MEIOC: variants seen among roughly 807,000 people sequenced by gnomAD.
The protein encoded by MEIOC is meiosis specific with coiled-coil domain.
MEIOC carries 9 observed loss-of-function variants against 85.3 expected under a neutral mutation model. The ratio of observed to expected loss-of-function variants is 0.11; its 90% CI spans 0.06 to 0.18. The LOEUF (loss-of-function observed/expected upper bound fraction) is 0.18, where lower values mean the gene tolerates loss of function less well. Among genes scored for constraint, MEIOC ranks in the 10% least tolerant of loss-of-function variants. The pLI, the probability that MEIOC is intolerant of heterozygous loss-of-function variation, is 1.00. For missense variants in MEIOC, 898 were observed against 1,129.4 expected, an observed-to-expected ratio of 0.80 and a Z score of 2.94; for synonymous variants, 365 against 393.7, an observed-to-expected ratio of 0.93 and a Z score of 0.86.
In MEIOC at chr17:44,668,100, C is replaced by T; in HGVS notation, c.2189C>T (p.Ser730Phe). 6.2e-7 allele frequency: 1 copy of T among 1,613,714 alleles called. No individual in the cohort carries two copies. The highest frequency in any genetic ancestry group is 8.5e-7 in the Non-Finnish European group (1 of 1,179,732). Residue 730 changes from serine (S) to phenylalanine (F), a missense_variant, in exon 5 of 8, where the codon TCT becomes TTT. Physicochemically the swap from Ser to Phe is radical, Grantham distance 155. This residue lies in a region of MEIOC where 734 missense variants were observed against 860.1 expected (regional missense o/e 0.85). Transcript: ENST00000409122. ...PYFNMMYGDN[S>F]FSGLMPTFGF... ...TTTAATATGATGTATGGTGATAATT[C>T]TTTTTCTGGTCTCATGCCAACTTTT...
chr17:44,673,936 G>C, intron 7 of MEIOC, 40 bp from the exon 8 acceptor site: 1 of 1,532,234 alleles, frequency 6.5e-7, no homozygotes, highest in Non-Finnish European at 8.8e-7. Context: ...ATATTTAAAT[G>C]GCATTTAATA....
intron 6 of MEIOC, chr17:44,670,585 G>T (rs1234027010): frequency 7.1e-5 from 7 of 98,736 alleles, no homozygotes; most frequent in African/African-American, 8.8e-5. Context: ...TGTCACCCAG[G>T]CTAGAGTGCA....
chr17:44,657,484 G>A (rs1414817228), intron 2 of MEIOC, among the ~76,000 whole-genome samples: 2 of 150,010 alleles, frequency 1.3e-5, no homozygotes, highest in African/African-American at 4.9e-5. Flanking sequence ...GCCGGGCTCA[G>A]GCGATTCTTG....
intron 5 of MEIOC, 144 bp downstream of exon 5, chr17:44,668,377 T>C: frequency 7.5e-6 from 6 of 796,798 alleles, no homozygotes; most frequent in Non-Finnish European, 1.1e-5. Context: ...AGTCTCGCTC[T>C]GTTGCCCAGG....
chr17:44,657,678 G>A (rs1568131275), intron 2 of MEIOC, among the ~76,000 whole-genome samples: 2 of 145,798 alleles, frequency 1.4e-5, no homozygotes, highest in Non-Finnish European at 3.0e-5. Flanking sequence ...CTCAGCCTCC[G>A]GAGTAGCTGG....
intron 2 of MEIOC, among the ~76,000 whole-genome samples, chr17:44,657,898 C>T (rs1015108786): frequency 6.6e-6 from 1 of 151,904 alleles, no homozygotes; most frequent in African/African-American, 2.4e-5. Context: ...GTTGCCCAGG[C>T]TGGAGTGCAG....
chr17:44,667,412 AAT>A lies in MEIOC; in HGVS notation c.1503_1504del (p.Asn501LysfsTer11). The A allele has an allele frequency of 6.2e-7, 1 of 1,613,804 alleles. No individual in the cohort carries two copies. Among genetic ancestry groups the A allele is most frequent in the Non-Finnish European group, 8.5e-7 (1 of 1,179,790 alleles). ...AAATCAAGGTAACTTGATGAAATTA[AAT>A]AGTCATTTAAGTGCAGCTTCAAAAG... is the stretch of plus-strand genomic sequence containing the variant. ...YRNQGNLMKLNSHLSAASKGS... is the reference protein window; with the variant it reads ...YRNQGNLMKLXSHLSAASKGS... On this transcript the variant is annotated frameshift_variant, in exon 5 of 8. Coordinates refer to ENST00000409122, the MANE Select transcript of MEIOC (RefSeq NM_001145080.3). LOFTEE classifies it high-confidence loss of function.
chr17:44,672,755 G>C (rs1305699450), intron 6 of MEIOC, among the ~76,000 whole-genome samples: 2 of 152,202 alleles, frequency 1.3e-5, no homozygotes, highest in Non-Finnish European at 2.9e-5. Context: ...TCATCATCCA[G>C]AGGATTGAGA....
intron 4 of MEIOC, among the ~76,000 whole-genome samples, chr17:44,665,815 C>G (rs1971895403): frequency 6.6e-6 from 1 of 152,016 alleles, no homozygotes; most frequent in African/African-American, 2.4e-5. Context: ...GAATAAAACT[C>G]ATTACTACTA....
chr17:44,665,540 T>C (rs1056606424), intron 4 of MEIOC, 52 bp downstream of exon 4: 6 of 829,250 alleles, frequency 7.2e-6, no homozygotes, highest in Non-Finnish European at 1.0e-5. Flanking sequence ...TAACATACAC[T>C]AGTTTACCCT....
rs759903075 is a variant in MEIOC, at chr17:44,666,483, C to A, written c.572C>A (p.Ser191Tyr). The A allele has an allele frequency of 1.9e-6, 3 of 1,589,880 alleles. No individual in the cohort carries two copies. The highest frequency in any genetic ancestry group is 2.6e-6 in the Non-Finnish European group (3 of 1,167,066). Residue 191 changes from serine to tyrosine, a missense_variant, in exon 5 of 8, where the codon TCT (serine) becomes TAT (tyrosine). Ser to Tyr is a moderately radical substitution (Grantham distance 144, BLOSUM62 -2). This residue lies in a region of MEIOC where 734 missense variants were observed against 860.1 expected (regional missense o/e 0.85). Transcript: ENST00000409122. Reference sequence around the variant, plus strand: ...AAAAGGCCAATAGATACAGTCATCTCTCAGCAAGCTTTTTATAGTGATGAA... The same window carrying A: ...AAAAGGCCAATAGATACAGTCATCTATCAGCAAGCTTTTTATAGTGATGAA... ...ETKRPIDTVI[S>Y]QQAFYSDESV... is the part of the protein sequence containing the mutation.
chr17:44,673,152 A>G (rs1260928942), intron 6 of MEIOC: 4 of 419,948 alleles, frequency 9.5e-6, no homozygotes, highest in African/African-American at 2.1e-5. Context: ...TCAGTAATCA[A>G]CTACCACATA....
intron 7 of MEIOC, 119 bp downstream of exon 7, chr17:44,673,665 A>G (rs1404296171): frequency 1.2e-6 from 1 of 868,050 alleles, no homozygotes; most frequent in Non-Finnish European, 1.7e-6. Flanking sequence ...TACAGAATAA[A>G]TTGGTAAATA....
chr17:44,661,194 A>G (rs1400405152), intron 2 of MEIOC, among the ~76,000 whole-genome samples: 1 of 147,188 alleles, frequency 6.8e-6, no homozygotes, highest in Admixed American at 7.0e-5. Context: ...AGGCTAAGGC[A>G]GGAGAATCGC....
At chr17:44,659,945 CATAAT>C (rs1971821543) in intron 2 of MEIOC, among the ~76,000 whole-genome samples, 1 of 152,138 alleles carries the variant, frequency 6.6e-6, no homozygotes. Context: ...TGAGAATAGT[CATAAT>C]ATAAACTATA....
chr17:44,673,857 T>A, intron 7 of MEIOC, 119 bp from the exon 8 acceptor site: 2 of 1,228,214 alleles, frequency 1.6e-6, no homozygotes, highest in South Asian at 3.1e-5. Flanking sequence ...TCAATAACTA[T>A]CCTTTTTTTA....
intron 3 of MEIOC, among the ~76,000 whole-genome samples, chr17:44,664,060 G>A (rs1270687393): frequency 1.3e-5 from 2 of 152,060 alleles, no homozygotes; most frequent in Non-Finnish European, 2.9e-5. Context: ...AAAACCGGAA[G>A]TTACAATTTA....
In MEIOC at chr17:44,665,508, AGTAT is replaced by A; in HGVS notation, c.464+21_464+24del. On this transcript the variant is annotated intron_variant, in intron 4 of 7. Coordinates refer to ENST00000409122, the MANE Select transcript of MEIOC (RefSeq NM_001145080.3). ...TGAAGGGTTAGTATATAATCTATAT[AGTAT>A]ATAACAGGCTTTTAAACTAACATAC... is the stretch of plus-strand genomic sequence containing the variant. The A allele has an allele frequency of 1.6e-6, 2 of 1,278,876 alleles. No homozygotes were observed. Among genetic ancestry groups the A allele is most frequent in the Non-Finnish European group, 2.1e-6 (2 of 950,872 alleles). 79.2% of individuals were successfully genotyped at this position (1,278,876 alleles called of 1,614,324 possible).
chr17:44,656,631 A>G lies in MEIOC; in HGVS notation c.18A>G (p.Gly6=), dbSNP rs1479992570. The G allele has an allele frequency of 1.3e-6, 2 of 1,485,234 alleles. No homozygotes were observed. Among genetic ancestry groups the G allele is most frequent in the Non-Finnish European group, 1.8e-6 (2 of 1,116,818 alleles). The allele number at this position is 1,485,234 out of a possible 1,614,324, so 92.0% of individuals were successfully genotyped here. A position where few individuals can be genotyped will look rare whatever the true frequency, so the allele number is the denominator to read the frequency against. Residue 6 remains glycine, a synonymous_variant, in exon 1 of 8, where the codon GGA becomes GGG. Coordinates refer to ENST00000409122, the MANE Select transcript of MEIOC (RefSeq NM_001145080.3). ...GGCGCCCCATGGAGGTGAGACGCGG[A>G]GACACCTGCCCGCGCCCTCACCCCT... MEVRR[G]DTCPRPHPSG...
Sources: allele counts gnomAD v4.1 joint callset (sites outside exome capture counted in the v4.1 genomes callset), GRCh38; gene constraint gnomAD v4.1.1; regional missense constraint gnomAD v4.1.1; transcripts MANE v1.5; gene names NCBI Gene and HGNC (gene_info 2026-07-23, HGNC 2026-07-21).